Variants in ZDHHC11B observed in about 807,000 individuals in gnomAD.
ZDHHC11B encodes the protein probable palmitoyltransferase ZDHHC11B.
ZDHHC11B carries 17 observed loss-of-function variants against 42.3 expected under a neutral mutation model. That is an observed-to-expected ratio of 0.40 (90% CI 0.27 to 0.60). The LOEUF (loss-of-function observed/expected upper bound fraction) is 0.60, where lower values mean the gene tolerates loss of function less well. ZDHHC11B is among the 20% of genes least tolerant of loss of function. The pLI is 0.41. For synonymous variants in ZDHHC11B, 123 were observed against 193.5 expected, an observed-to-expected ratio of 0.64 and a Z score of 3.02; for missense variants, 262 against 463.2, an observed-to-expected ratio of 0.57 and a Z score of 3.99.
intron 12 of ZDHHC11B, among the ~76,000 whole-genome samples, chr5:728,186 G>A (rs1184656197): frequency 6.6e-6 from 1 of 151,886 alleles, no homozygotes; most frequent in East Asian, 1.9e-4. Flanking sequence ...TAGTAATAAG[G>A]AAAATGCACA....
chr5:765,907 G>A (rs1372689678), intron 4 of ZDHHC11B, among the ~76,000 whole-genome samples: 1 of 151,970 alleles, frequency 6.6e-6, no homozygotes, highest in Admixed American at 6.6e-5. Context: ...TCCGGACACA[G>A]TGTCACCACT....
chr5:725,552 G>A (rs1324911824), intron 12 of ZDHHC11B, among the ~76,000 whole-genome samples: 1 of 141,608 alleles, frequency 7.1e-6, no homozygotes, highest in African/African-American at 2.6e-5. Flanking sequence ...GGAAGGAAGA[G>A]GCCAGCGGCT....
intron 4 of ZDHHC11B, among the ~76,000 whole-genome samples, chr5:764,691 C>A (rs1177813176): frequency 6.6e-6 from 1 of 151,904 alleles, no homozygotes; most frequent in Non-Finnish European, 1.5e-5. Flanking sequence ...TGAGCACCGT[C>A]CCCTGCTCTG....
intron 12 of ZDHHC11B, among the ~76,000 whole-genome samples, chr5:729,820 G>A (rs1214986814): frequency 6.6e-6 from 1 of 151,898 alleles, no homozygotes. Context: ...CATCATGTGT[G>A]AGTAGATTTC....
intron 1 of ZDHHC11B, among the ~76,000 whole-genome samples, chr5:776,786 A>G (rs1232542866): frequency 6.6e-6 from 1 of 151,922 alleles, no homozygotes; most frequent in Non-Finnish European, 1.5e-5. Flanking sequence ...AAACAGGGCC[A>G]AGGAACAAGG....
intron 12 of ZDHHC11B, among the ~76,000 whole-genome samples, chr5:720,006 T>C (rs1024897559): frequency 2.6e-5 from 4 of 151,762 alleles, no homozygotes; most frequent in African/African-American, 9.7e-5. Flanking sequence ...AAAAACATAG[T>C]GTATACAGGG....
chr5:771,690 C>A (rs1467143363), intron 1 of ZDHHC11B, among the ~76,000 whole-genome samples: 1 of 151,774 alleles, frequency 6.6e-6, no homozygotes, highest in African/African-American at 2.4e-5. Context: ...ACAGGAGGAG[C>A]AGCTGAGAAA....
chr5:763,257 T>C lies in ZDHHC11B; in HGVS notation c.222+3441A>G, dbSNP rs1158778104. ...GGTGGCACACACCTGTAGTCCCAGA[T>C]ACTCAGGAGGCTGGGACGGGAGGAT... On this transcript the variant is annotated intron_variant, in intron 4 of 13. Coordinates refer to ENST00000508859, the MANE Select transcript of ZDHHC11B (RefSeq NM_001351303.2). 6.0e-5 allele frequency among the ~76,000 whole-genome samples: 9 copies of C among 151,100 alleles called. 1 individual carries two copies. The highest frequency in any genetic ancestry group is 2.2e-4 in the African/African-American group (9 of 41,126).
At chr5:756,664 C>A (rs1292981030) in intron 4 of ZDHHC11B, among the ~76,000 whole-genome samples, 1 of 151,630 alleles carries the variant, frequency 6.6e-6, no homozygotes, top group South Asian at 2.1e-4. Flanking sequence ...TAAACACAGC[C>A]GGATACAGCC....
intron 6 of ZDHHC11B, among the ~76,000 whole-genome samples, chr5:752,811 C>A (rs12518718): frequency 9.6e-6 from 1 of 104,304 alleles, no homozygotes; most frequent in African/African-American, 2.9e-5. Context: ...TACCCTGCCC[C>A]CAGTCCTCCT....
In ZDHHC11B at chr5:766,738, A is replaced by G; in HGVS notation, c.182T>C (p.Ile61Thr). The G allele has an allele frequency of 6.2e-7, 1 of 1,612,006 alleles. No homozygotes were observed. The highest frequency in any genetic ancestry group is 8.5e-7 in the Non-Finnish European group (1 of 1,178,912). ...TTTCCACGAGTGAGGCAGGAGGGGA[A>G]TGAAGATCCTGAAGGTGGCCAAGGA... ...GLSLATFRIF[I>T]PLLPHSWKYI... The change falls in exon 4 of 14, where the codon ATT becomes ACT. Residue 61 changes from isoleucine to threonine, a missense_variant. Coordinates refer to ENST00000508859, the MANE Select transcript of ZDHHC11B (RefSeq NM_001351303.2).
intron 3 of ZDHHC11B, 56 bp downstream of exon 3, chr5:767,336 C>G: frequency 1.9e-6 from 3 of 1,556,224 alleles, no homozygotes; most frequent in South Asian, 2.3e-5. Context: ...GGGTCCCACA[C>G]CAGGGCGCAG....
chr5:784,082 G>A (rs1169288977), intron 1 of ZDHHC11B, among the ~76,000 whole-genome samples: 1 of 151,412 alleles, frequency 6.6e-6, no homozygotes, highest in Non-Finnish European at 1.5e-5. Context: ...GCCAAGGCCC[G>A]GGGCAGCTGG....
At chr5:720,760 T>C (rs683746) in intron 12 of ZDHHC11B, among the ~76,000 whole-genome samples, 73,444 of 148,450 alleles carry the variant, frequency 0.49, 14,392 homozygotes, top group African/African-American at 0.55. Flanking sequence ...TCAATGACAA[T>C]GGCAATATAA....
At chr5:765,312 C>T (rs1338309525) in intron 4 of ZDHHC11B, among the ~76,000 whole-genome samples, 3 of 151,524 alleles carry the variant, frequency 2.0e-5, no homozygotes, top group Admixed American at 6.6e-5. Flanking sequence ...CTGGTGGGGA[C>T]TTGGAGAATC....
intron 10 of ZDHHC11B, among the ~76,000 whole-genome samples, chr5:735,819 C>T (rs1349341560): frequency 6.7e-6 from 1 of 149,680 alleles, no homozygotes; most frequent in Non-Finnish European, 1.5e-5. Context: ...AAAAGGAGTT[C>T]CAAATCTTAA....
intron 10 of ZDHHC11B, among the ~76,000 whole-genome samples, chr5:740,910 T>C (rs1744093125): frequency 1.7e-5 from 2 of 119,698 alleles, no homozygotes; most frequent in African/African-American, 5.6e-5. Flanking sequence ...AAACATTATA[T>C]ATTTTCTTTG....
At chr5:742,946 T>C (rs1744334249) in intron 9 of ZDHHC11B, among the ~76,000 whole-genome samples, 3 of 149,770 alleles carry the variant, frequency 2.0e-5, no homozygotes, top group South Asian at 2.2e-4. Flanking sequence ...TGCTTGTTTC[T>C]AGAAGTGTTC....
intron 1 of ZDHHC11B, among the ~76,000 whole-genome samples, chr5:778,827 G>A (rs1292699021): frequency 2.0e-5 from 3 of 151,998 alleles, no homozygotes; most frequent in South Asian, 2.1e-4. Context: ...GGCTGAATTC[G>A]TCCCCTCCAA....
Sources: allele counts gnomAD v4.1 joint callset (sites outside exome capture counted in the v4.1 genomes callset), GRCh38; gene constraint gnomAD v4.1.1; transcripts MANE v1.5; gene names NCBI Gene and HGNC (gene_info 2026-07-23, HGNC 2026-07-21).